The following DNAJC6 variants were observed in gnomAD, a reference collection of about 807,000 sequenced individuals.
DNAJC6 encodes the protein DnaJ heat shock protein family (Hsp40) member C6.
DNAJC6 carries 34 observed loss-of-function variants against 110.0 expected under a neutral mutation model. The ratio of observed to expected loss-of-function variants is 0.31; its 90% CI spans 0.24 to 0.41. The LOEUF is 0.41. Ranked by LOEUF, DNAJC6 falls within the 10% of genes least tolerant of loss-of-function variation. The probability of loss-of-function intolerance (pLI) is 1.00; values close to 1 mark genes in which losing one functional copy is unlikely to be tolerated. For missense variants in DNAJC6, 1,031 were observed against 1,207.8 expected, an observed-to-expected ratio of 0.85 and a Z score of 2.17; for synonymous variants, 406 against 437.2, an observed-to-expected ratio of 0.93 and a Z score of 0.89.
At chr1:65,278,830 A>G (rs956786262) in intron 1 of DNAJC6, among the ~76,000 whole-genome samples, 13 of 152,086 alleles carry the variant, frequency 8.5e-5, no homozygotes, top group Admixed American at 7.2e-4. Context: ...CTCCTAGTTC[A>G]TCTGACTTTC....
In DNAJC6 at chr1:65,361,186, T is replaced by G. The variant is rs570823819; in HGVS notation, c.194-3449T>G. Among the ~76,000 whole-genome samples, 4 of 152,312 alleles carry G rather than the reference T, an allele frequency of 2.6e-5. No individual in the cohort carries two copies. In the East Asian group the frequency reaches 7.7e-4, roughly 29 times the overall value. On this transcript the variant is annotated intron_variant, in intron 1 of 18. Coordinates refer to ENST00000371069, the MANE Select transcript of DNAJC6 (RefSeq NM_001256864.2). ...AACTGGGGATAATAACCACTTCCAC[T>G]CTCCCGCTATATGAAACTGTACTAT...
Position 65,289,497 on chromosome 1 carries a change from C to T in DNAJC6, c.-131+24565C>T, listed in dbSNP as rs75422181. On this transcript the variant is annotated intron_variant, in intron 1 of 19. Coordinates refer to the DNAJC6 transcript ENST00000263441. The stretch of plus-strand genomic sequence containing the variant: ...ATGTGAGCCACTGCACCAGGCCAGT[C>T]ATTTAAATTTTAGCCATTCTAGTTA... Among the ~76,000 whole-genome samples the T allele has an allele frequency of 8.2e-3, 1,242 of 152,230 alleles. 14 individuals carry two copies. Among genetic ancestry groups the T allele is most frequent in the African/African-American group, 0.029 (1,189 of 41,536 alleles).
At position 65,368,718 on chromosome 1, in the gene DNAJC6, T is replaced by TC. The variant is rs377326139; in HGVS notation, c.543+2523dup. On this transcript the variant is annotated intron_variant, in intron 4 of 18. Transcript: ENST00000371069. ...TCCTCTTCCTCCTCCTTCTTCTTCC[T>TC]CTTCTTCTTCTTCTTCTTCCCCCTC... Among the ~76,000 whole-genome samples, 11 of 26,882 alleles carry TC rather than the reference T, an allele frequency of 4.1e-4. No homozygotes were observed. In the African/African-American group the frequency reaches 5.9e-3, roughly 14 times the overall value. 17.6% of individuals were successfully genotyped at this position (26,882 alleles called of 152,430 possible). A position where few individuals can be genotyped will look rare whatever the true frequency, so the allele number is the denominator to read the frequency against.
rs79704998 is a variant in DNAJC6, at chr1:65,394,830, G to A, written c.1904-68G>A. The A allele has an allele frequency of 2.0e-3, 2,943 of 1,507,210 alleles. 38 individuals carry two copies. The African/African-American group carries it at 0.034, about 18-fold the overall frequency. 93.4% of individuals were successfully genotyped at this position (1,507,210 alleles called of 1,614,324 possible). On this transcript the variant is annotated intron_variant, in intron 12 of 18. Transcript: ENST00000371069. Reference sequence around the variant, plus strand: ...GTCCACTGTTAGCCCTACAGGAAGTGACAATTCTGTGACATTTAGTGAATG... The same window carrying A: ...GTCCACTGTTAGCCCTACAGGAAGTAACAATTCTGTGACATTTAGTGAATG...
intron 1 of DNAJC6, among the ~76,000 whole-genome samples, chr1:65,281,875 TGGG>T (rs1653857819): frequency 6.6e-6 from 1 of 152,196 alleles, no homozygotes; most frequent in Non-Finnish European, 1.5e-5. Flanking sequence ...CCCAAAGTTC[TGGG>T]ACCACGGGCG....
At chr1:65,407,882 C>A (rs566704204) in intron 16 of DNAJC6, among the ~76,000 whole-genome samples, 1 of 152,180 alleles carries the variant, frequency 6.6e-6, no homozygotes, top group Non-Finnish European at 1.5e-5. Context: ...TGATTTGAAT[C>A]GACTGTATGG....
intron 1 of DNAJC6, among the ~76,000 whole-genome samples, chr1:65,285,730 T>C (rs1653995185): frequency 6.6e-6 from 1 of 152,164 alleles, no homozygotes. Flanking sequence ...TGGAGTGCAG[T>C]GCTGTGATCT....
chr1:65,402,324 G>A (rs888681583), intron 15 of DNAJC6, among the ~76,000 whole-genome samples: 1 of 152,224 alleles, frequency 6.6e-6, no homozygotes, highest in African/African-American at 2.4e-5. Context: ...TAACTGTGGT[G>A]CTCTCCGGTC....
At chr1:65,320,141 A>G (rs992635756) in intron 1 of DNAJC6, among the ~76,000 whole-genome samples, 1 of 152,240 alleles carries the variant, frequency 6.6e-6, no homozygotes. Flanking sequence ...TTCAATCAGC[A>G]AAGTGTTTCT....
chr1:65,380,911 G>GTTTTTTT (rs1312055301), intron 5 of DNAJC6, among the ~76,000 whole-genome samples: 6 of 114,918 alleles, frequency 5.2e-5, no homozygotes, highest in African/African-American at 2.6e-4. Context: ...TTTGTTTTTT[G>GTTTTTTT]TTTTGTTTTG....
At chr1:65,294,861 A>G (rs1282283230) in intron 1 of DNAJC6, among the ~76,000 whole-genome samples, 2 of 152,230 alleles carry the variant, frequency 1.3e-5, no homozygotes, top group Non-Finnish European at 2.9e-5. Context: ...AATATAGAGT[A>G]CAGCATAAAT....
chr1:65,376,530 A>C (rs1281861930), intron 4 of DNAJC6, among the ~76,000 whole-genome samples: 1 of 151,756 alleles, frequency 6.6e-6, no homozygotes, highest in Non-Finnish European at 1.5e-5. Flanking sequence ...TTATTGCTAT[A>C]AACTTTCCTC....
chr1:65,368,110 A>G (rs1343617643), intron 4 of DNAJC6, among the ~76,000 whole-genome samples: 1 of 152,186 alleles, frequency 6.6e-6, no homozygotes, highest in Non-Finnish European at 1.5e-5. Context: ...CAAGACACCT[A>G]AGCCTAGTTG....
chr1:65,323,605 C>CT (rs1645215442), intron 1 of DNAJC6, among the ~76,000 whole-genome samples: 1 of 151,956 alleles, frequency 6.6e-6, no homozygotes, highest in African/African-American at 2.4e-5. Flanking sequence ...GTTTTCTTTT[C>CT]TTTTTTCTGA....
intron 1 of DNAJC6, among the ~76,000 whole-genome samples, chr1:65,303,314 A>T (rs2101307626): frequency 6.6e-6 from 1 of 152,352 alleles, no homozygotes; most frequent in Admixed American, 6.5e-5. Flanking sequence ...TAAATTGACA[A>T]ATATATTCTC....
intron 1 of DNAJC6, among the ~76,000 whole-genome samples, chr1:65,324,678 GTGTTTGTT>G (rs1645226350): frequency 6.6e-6 from 1 of 152,136 alleles, no homozygotes; most frequent in African/African-American, 2.4e-5. Flanking sequence ...TGTTTTCCCA[GTGTTTGTT>G]TAAAAGCTAG....
At chr1:65,375,550 C>T (rs535598328) in intron 4 of DNAJC6, among the ~76,000 whole-genome samples, 35 of 152,186 alleles carry the variant, frequency 2.3e-4, no homozygotes, top group East Asian at 1.2e-3. Context: ...GTCAGCCTCC[C>T]GAGTAACTCG....
At chr1:65,367,465 GGATA>G (rs1226552733) in intron 4 of DNAJC6, among the ~76,000 whole-genome samples, 14 of 152,062 alleles carry the variant, frequency 9.2e-5, no homozygotes, top group African/African-American at 3.4e-4. Context: ...ACAAAAATGT[GGATA>G]GATATTTTGT....
intron 1 of DNAJC6, among the ~76,000 whole-genome samples, chr1:65,325,330 A>T (rs568995541): frequency 6.6e-6 from 1 of 152,208 alleles, no homozygotes; most frequent in East Asian, 1.9e-4. Context: ...CTCTTAAAGG[A>T]GCTTAGAAGA....
Sources: allele counts gnomAD v4.1 joint callset (sites outside exome capture counted in the v4.1 genomes callset), GRCh38; gene constraint gnomAD v4.1.1; transcripts MANE v1.5; gene names NCBI Gene and HGNC (gene_info 2026-07-23, HGNC 2026-07-21).